TULP2: variants seen among roughly 807,000 people sequenced by gnomAD.
TULP2 encodes the protein tubby-related protein 2.
In TULP2, 64 loss-of-function variants were observed where a neutral mutation model predicts 60.3. The ratio of observed to expected loss-of-function variants is 1.06; its 90% CI spans 0.87 to 1.31. The LOEUF is 1.31. TULP2 is among the 50% of genes most tolerant of loss of function. The pLI is 0.00. For synonymous variants in TULP2, 267 were observed against 265.4 expected, an observed-to-expected ratio of 1.01 and a Z score of -0.06; for missense variants, 652 against 667.0, an observed-to-expected ratio of 0.98 and a Z score of 0.25.
At chr19:48,894,966 C>T (rs112439019) in intron 6 of TULP2, 32 bp downstream of exon 6, 3 of 1,591,610 alleles carry the variant, frequency 1.9e-6, no homozygotes, top group Non-Finnish European at 1.7e-6. Context: ...ACCAGGAGAT[C>T]CCAGGTTTCA....
chr19:48,896,599 T>C (rs368263738), intron 3 of TULP2, 43 bp from the exon 4 acceptor site: 1 of 1,544,170 alleles, frequency 6.5e-7, no homozygotes, highest in Non-Finnish European at 8.7e-7. Flanking sequence ...AGGAACCAGA[T>C]GGGAAGACAG....
chr19:48,884,111 C>CTTTG (rs1316767605), intron 9 of TULP2, 65 bp from the exon 10 acceptor site: 68 of 1,298,608 alleles, frequency 5.2e-5, no homozygotes, highest in Non-Finnish European at 7.4e-5. Context: ...AAGTGTCACT[C>CTTTG]ATCGCATCGA....
In TULP2 at chr19:48,896,586, G is replaced by A. The variant is rs202219105; in HGVS notation, c.85-30C>T. Reference sequence around the variant, plus strand: ...GGAGATGGGAGAGGTGGGTGTCCGGGACAGGAACCAGATGGGAAGACAGAA... The same window carrying A: ...GGAGATGGGAGAGGTGGGTGTCCGGAACAGGAACCAGATGGGAAGACAGAA... On this transcript the variant is annotated intron_variant, in intron 3 of 12. Coordinates refer to ENST00000221399, the MANE Select transcript of TULP2 (RefSeq NM_003323.3). The A allele has an allele frequency of 2.4e-4, 368 of 1,564,260 alleles. No individual in the cohort carries two copies. The African/African-American group carries it at 4.6e-3, about 20-fold the overall frequency.
chr19:48,885,594 C>A (rs1248290236), intron 8 of TULP2, 34 bp from the exon 9 acceptor site: 1 of 1,594,266 alleles, frequency 6.3e-7, no homozygotes, highest in East Asian at 2.2e-5. Flanking sequence ...TTAGAATGGA[C>A]TTCTGGATGC....
intron 6 of TULP2, among the ~76,000 whole-genome samples, chr19:48,892,752 A>G (rs1453000191): frequency 1.3e-5 from 2 of 151,966 alleles, no homozygotes; most frequent in East Asian, 3.9e-4. Context: ...CGGCCTCCCA[A>G]AGTGCTGGGA....
intron 5 of TULP2, 80 bp downstream of exon 5, chr19:48,895,286 G>A (rs2037267958): frequency 5.1e-6 from 8 of 1,583,504 alleles, no homozygotes; most frequent in Middle Eastern, 3.4e-4. Context: ...ATTTTGGACA[G>A]ATGGATTGAG....
Position 48,897,378 on chromosome 19 carries a change from G to A in TULP2, c.51C>T (p.Leu17=), listed in dbSNP as rs754510546. 16 of 1,613,632 alleles carry A rather than the reference G, an allele frequency of 9.9e-6. No homozygotes were observed. The Admixed American group carries it at 1.2e-4, about 12-fold the overall frequency. The stretch of plus-strand genomic sequence containing the variant: ...CCAGCTTCTGCAGCCTCATAGCAGC[G>A]AGCTCATGCCCCAGGATGCTGAGAG... ...TLMRDILGHE[L]AAMRLQKLEQ... Residue 17 remains leucine, a synonymous_variant, in exon 3 of 13, where the codon CTC becomes CTT. Coordinates refer to ENST00000221399, the MANE Select transcript of TULP2 (RefSeq NM_003323.3). This position sits in a 1 kb window ranked among gnomAD's most constrained non-coding sequence, Gnocchi z 4.0.
intron 5 of TULP2, 36 bp from the exon 6 acceptor site, chr19:48,895,198 A>G: frequency 6.2e-7 from 1 of 1,606,476 alleles, no homozygotes; most frequent in South Asian, 1.1e-5. Flanking sequence ...GGATTTCTGG[A>G]TGCTGCAGGA....
Position 48,897,377 on chromosome 19 carries a change from C to A in TULP2, c.52G>T (p.Ala18Ser), listed in dbSNP as rs7260579. The A allele has an allele frequency of 6.2e-7, 1 of 1,613,404 alleles. No homozygotes were observed. The highest frequency in any genetic ancestry group is 8.5e-7 in the Non-Finnish European group (1 of 1,179,742). The stretch of plus-strand genomic sequence containing the variant: ...TCCAGCTTCTGCAGCCTCATAGCAG[C>A]GAGCTCATGCCCCAGGATGCTGAGA... ...LMRDILGHEL[A>S]AMRLQKLEQQ... The change falls in exon 3 of 13, where the codon GCT becomes TCT. Residue 18 changes from alanine (A) to serine (S), a missense_variant. By Grantham distance (99) the Ala-to-Ser change is moderately conservative (BLOSUM62 1). Transcript: ENST00000221399. The surrounding 1 kb of genome is among the most constrained non-coding windows in gnomAD (Gnocchi z 4.0).
At position 48,884,055 on chromosome 19, in the gene TULP2, G is replaced by A. The variant is rs771673627; in HGVS notation, c.1062-9C>T. 8.8e-5 allele frequency: 142 copies of A among 1,606,676 alleles called. No homozygotes were observed. The highest frequency in any genetic ancestry group is 1.1e-4 in the Non-Finnish European group (130 of 1,173,532). ...TGCTGAAGACATTGGATCTGCTCCA[G>A]GAAGGGAATGGATAGAATAAAAATA... is the stretch of plus-strand genomic sequence containing the variant. On this transcript the variant is annotated splice_polypyrimidine_tract_variant and intron_variant, in intron 9 of 12. Transcript: ENST00000221399.
chr19:48,894,554 T>C (rs2037261349), intron 6 of TULP2, among the ~76,000 whole-genome samples: 2 of 152,010 alleles, frequency 1.3e-5, no homozygotes, highest in African/African-American at 4.8e-5. Context: ...GGCAGGAGAA[T>C]AGCTTGAACC....
rs373666685 is a variant in TULP2 at position 48,888,133 on chromosome 19, G to A, written c.765C>T (p.His255=). Residue 255 remains histidine, a synonymous_variant, in exon 8 of 13, where the codon CAC becomes CAT. Coordinates refer to ENST00000221399, the MANE Select transcript of TULP2 (RefSeq NM_003323.3). ...GGGAGCGGATTGCCAAGGAGGCTTC[G>A]TGCCTCATATGGTCGCTGTCCGTGC... is the stretch of plus-strand genomic sequence containing the variant. ...EGGTDSDHMR[H]EASLAIRSPC... is the part of the protein sequence containing the mutation. 2.3e-5 allele frequency: 37 copies of A among 1,614,054 alleles called. No individual in the cohort carries two copies. The highest frequency in any genetic ancestry group is 1.7e-4 in the Admixed American group (10 of 59,990).
intron 6 of TULP2, among the ~76,000 whole-genome samples, chr19:48,894,347 A>G (rs562145447): frequency 2.0e-5 from 3 of 152,066 alleles, no homozygotes; most frequent in East Asian, 3.9e-4. Flanking sequence ...AATAACATAT[A>G]ACAGCTATTT....
chr19:48,888,353 C>T (rs957501583), intron 7 of TULP2, 92 bp from the exon 8 acceptor site: 8 of 1,327,528 alleles, frequency 6.0e-6, no homozygotes, highest in South Asian at 4.5e-5. Context: ...GGGTCCCGCC[C>T]TTGCCCATCC....
In TULP2 at chr19:48,897,412, G is replaced by A; in HGVS notation, c.33-16C>T. 6.2e-7 allele frequency: 1 copy of A among 1,613,354 alleles called. No individual in the cohort carries two copies. The highest frequency in any genetic ancestry group is 8.5e-7 in the Non-Finnish European group (1 of 1,179,674). ...CCCCAGGATGCTGAGAGAGACACAG[G>A]CCCATGGTGACAGTGCACAGGGAAC... On this transcript the variant is annotated splice_polypyrimidine_tract_variant and intron_variant, in intron 2 of 12. Transcript: ENST00000221399. The surrounding 1 kb of genome is among the most constrained non-coding windows in gnomAD (Gnocchi z 4.0).
chr19:48,892,647 G>T (rs2037244038), intron 6 of TULP2, among the ~76,000 whole-genome samples: 1 of 151,880 alleles, frequency 6.6e-6, no homozygotes. Flanking sequence ...GGGACTACAG[G>T]CGCCCACCAC....
rs1334650426 is a variant in TULP2 at position 48,897,060 on chromosome 19, T to A, written c.84+285A>T. Among the ~76,000 whole-genome samples, 1 of 152,000 alleles carries A rather than the reference T, an allele frequency of 6.6e-6. No homozygotes were observed. Among genetic ancestry groups the A allele is most frequent in the African/African-American group, 2.4e-5 (1 of 41,396 alleles). On this transcript the variant is annotated intron_variant, in intron 3 of 12. Transcript: ENST00000221399. The surrounding 1 kb of genome is among the most constrained non-coding windows in gnomAD (Gnocchi z 4.0). ...GCCTGCCACCACACCTGGCTAATTT[T>A]TTGTGTGTTAGTAGAGACGGGGTTT...
chr19:48,883,790 G>A lies in TULP2; in HGVS notation c.1239C>T (p.Asn413=). 1 of 1,614,110 alleles carries A rather than the reference G, an allele frequency of 6.2e-7. No homozygotes were observed. Among genetic ancestry groups the A allele is most frequent in the South Asian group, 1.1e-5 (1 of 91,068 alleles). The change falls in exon 11 of 13, where the codon AAC becomes AAT. Residue 413 remains asparagine, a synonymous_variant. Coordinates refer to ENST00000221399, the MANE Select transcript of TULP2 (RefSeq NM_003323.3). ...GGACATTGATTCGCTGGTTCTGGCT[G>A]TTGGTTCCTGGGAGAATCACAGTCA... ...RKMTVILPGT[N]SQNQRINVQP...
At chr19:48,885,361 T>G in intron 9 of TULP2, 87 bp downstream of exon 9, 1 of 1,089,270 alleles carries the variant, frequency 9.2e-7, no homozygotes, top group Non-Finnish European at 1.4e-6. Context: ...GTGGAAGGTA[T>G]GCTCTGTGGC....
Sources: gnomAD v4.1 joint callset for allele counts (sites outside exome capture counted in the v4.1 genomes callset) on GRCh38, gnomAD v4.1.1 for gene constraint, Gnocchi (gnomAD v3.1) non-coding constraint, MANE v1.5 for transcripts, NCBI Gene and HGNC (gene_info 2026-07-23, HGNC 2026-07-21) for gene names.